ZDHHC13: variants seen among roughly 807,000 people sequenced by gnomAD.
ZDHHC13 encodes the protein zDHHC palmitoyltransferase 13, also known as palmitoyltransferase ZDHHC13.
A neutral mutation model predicts 86.0 loss-of-function variants in ZDHHC13; 85 were observed. The observed-to-expected ratio is 0.99, with a 90% CI of 0.83 to 1.18. ZDHHC13 has a LOEUF of 1.18. Ranked by LOEUF, ZDHHC13 falls within the 50% of genes most tolerant of loss-of-function variation. ZDHHC13 has a pLI of 0.00. For missense variants in ZDHHC13, 711 were observed against 730.2 expected (o/e 0.97, Z 0.30); for synonymous variants, 263 against 246.4 (o/e 1.07, Z -0.63).
At chr11:19,121,350 A>T (rs1848755755) in intron 1 of ZDHHC13, among the ~76,000 whole-genome samples, 1 of 152,172 alleles carries the variant, frequency 6.6e-6, no homozygotes, top group Non-Finnish European at 1.5e-5. Flanking sequence ...CTCTGCTCTG[A>T]AAATGGGGAA....
Position 19,176,111 on chromosome 11 carries a change from A to G in ZDHHC13, c.*151A>G, listed in dbSNP as rs1850358168. 2.8e-6 allele frequency: 2 copies of G among 722,486 alleles called. No homozygotes were observed. The highest frequency in any genetic ancestry group is 4.1e-5 in the South Asian group (1 of 24,290). 44.8% of individuals were successfully genotyped at this position (722,486 alleles called of 1,614,324 possible). On this transcript the variant is annotated 3_prime_UTR_variant, in exon 17 of 17. Coordinates refer to ENST00000446113, the MANE Select transcript of ZDHHC13 (RefSeq NM_019028.3). ...ATTAGGTAAAAAAAGTTCTCAATAAAGGCATTACAATTTTTTAGGTTTAGA... is the reference window on the plus strand; with the variant it reads ...ATTAGGTAAAAAAAGTTCTCAATAAGGGCATTACAATTTTTTAGGTTTAGA...
chr11:19,157,482 T>C (rs564923525), intron 9 of ZDHHC13, among the ~76,000 whole-genome samples: 6 of 152,316 alleles, frequency 3.9e-5, no homozygotes, highest in Admixed American at 2.6e-4. Context: ...AGCAGGACAA[T>C]TGGCTGGAAA....
chr11:19,142,284 C>G (rs909210657), intron 1 of ZDHHC13, among the ~76,000 whole-genome samples: 1 of 152,194 alleles, frequency 6.6e-6, no homozygotes, highest in Non-Finnish European at 1.5e-5. Flanking sequence ...TTATGTGGCT[C>G]TCTCACAGGC....
intron 1 of ZDHHC13, among the ~76,000 whole-genome samples, chr11:19,133,942 T>TATATATACAC: frequency 0.077 from 7,394 of 96,006 alleles, 911 homozygotes; most frequent in East Asian, 0.28. Context: ...TATATATATA[T>TATATATACAC]ACACGTATGT....
Position 19,129,184 on chromosome 11 carries a change from T to C in ZDHHC13, c.27+11908T>C, listed in dbSNP as rs974472250. ...GATTCCTTAGGATTTTCTATGCATATGATCATGTTTTTGCAAGTAAAAATG... is the reference window on the plus strand; with the variant it reads ...GATTCCTTAGGATTTTCTATGCATACGATCATGTTTTTGCAAGTAAAAATG... On this transcript the variant is annotated intron_variant, in intron 1 of 16. Coordinates refer to ENST00000446113, the MANE Select transcript of ZDHHC13 (RefSeq NM_019028.3). Among the ~76,000 whole-genome samples the C allele has an allele frequency of 2.6e-4, 39 of 152,338 alleles. 1 individual carries two copies. Among genetic ancestry groups the C allele is most frequent in the African/African-American group, 8.4e-4 (35 of 41,586 alleles).
chr11:19,124,899 C>A lies in ZDHHC13; in HGVS notation c.27+7623C>A, dbSNP rs141995330. On this transcript the variant is annotated intron_variant, in intron 1 of 16. Transcript: ENST00000446113. ...TTACCTTTTTTCTCTCTGATTTGCC[C>A]CCAGCCTTGACTTGAGCCCTGGAAA... is the stretch of plus-strand genomic sequence containing the variant. Among the ~76,000 whole-genome samples the A allele has an allele frequency of 1.6e-3, 243 of 152,136 alleles. 3 individuals are homozygous for A. Among genetic ancestry groups the A allele is most frequent in the Admixed American group, 3.5e-3 (54 of 15,242 alleles).
chr11:19,125,463 G>C (rs1022931017), intron 1 of ZDHHC13, among the ~76,000 whole-genome samples: 26 of 152,212 alleles, frequency 1.7e-4, no homozygotes, highest in African/African-American at 6.3e-4. Flanking sequence ...AATCCCAAGT[G>C]CTGGTGAGAA....
At chr11:19,143,213 T>G (rs1470299806) in intron 2 of ZDHHC13, 90 bp downstream of exon 2, 4 of 1,346,204 alleles carry the variant, frequency 3.0e-6, no homozygotes, top group Non-Finnish European at 4.0e-6. Flanking sequence ...TATGTTTACC[T>G]CTCTTAACTT....
At chr11:19,145,902 G>C (rs1233309188) in intron 2 of ZDHHC13, among the ~76,000 whole-genome samples, 2 of 152,202 alleles carry the variant, frequency 1.3e-5, no homozygotes, top group African/African-American at 4.8e-5. Context: ...GTGGAGATCA[G>C]ATGAAACTTA....
intron 16 of ZDHHC13, among the ~76,000 whole-genome samples, chr11:19,174,799 C>T (rs995892259): frequency 1.2e-4 from 18 of 152,016 alleles, no homozygotes; most frequent in African/African-American, 4.1e-4. Context: ...GAGCAGTGTG[C>T]GTTCCAGGCC....
intron 1 of ZDHHC13, among the ~76,000 whole-genome samples, chr11:19,140,341 A>G (rs1653819471): frequency 6.6e-6 from 1 of 152,216 alleles, no homozygotes; most frequent in East Asian, 1.9e-4. Context: ...GCCATCAGAG[A>G]AATGCAAATC....
At chr11:19,149,474 C>T (rs3802796) in intron 5 of ZDHHC13, 143 bp downstream of exon 5, 548,849 of 800,722 alleles carry the variant, frequency 0.69, 191,330 homozygotes, top group Admixed American at 0.77. Context: ...TACGTTTAGC[C>T]ATTGAATACT....
At position 19,149,238 on chromosome 11, in the gene ZDHHC13, C is replaced by T. The variant is rs1178075352; in HGVS notation, c.426C>T (p.Pro142=). The T allele has an allele frequency of 8.1e-6, 13 of 1,605,744 alleles. No homozygotes were observed. The highest frequency in any genetic ancestry group is 2.7e-5 in the African/African-American group (2 of 74,844). The part of the protein sequence containing the change: ...VILLLQHGAD[P]TLIDGEGFSS... ...TATTACTCCAGCATGGTGCAGACCC[C>T]ACTCTTATTGATGGAGAGGGATTCA... Residue 142 remains proline (P), a synonymous_variant, in exon 5 of 17, where the codon CCC becomes CCT. Transcript: ENST00000446113.
rs768784588 is a variant in ZDHHC13 at position 19,142,976 on chromosome 11, A to G, written c.28-2A>G. ...CTTTGTCAAATGACTCTTACTCTTC[A>G]GTGCAGGAATCACAGCCATGGCCCC... is the stretch of plus-strand genomic sequence containing the variant. On this transcript the variant is annotated splice_acceptor_variant, in intron 1 of 16. Transcript: ENST00000446113. LOFTEE classifies it high-confidence loss of function. 4 of 1,603,302 alleles carry G rather than the reference A, an allele frequency of 2.5e-6. No individual in the cohort carries two copies. In the Admixed American group the frequency reaches 5.1e-5, roughly 21 times the overall value.
chr11:19,147,015 A>G (rs1849484608), intron 3 of ZDHHC13, among the ~76,000 whole-genome samples: 1 of 152,196 alleles, frequency 6.6e-6, no homozygotes, highest in South Asian at 2.1e-4. Flanking sequence ...TAATGAGACT[A>G]ATTCCTATAA....
At chr11:19,154,599 G>C (rs367813830) in intron 8 of ZDHHC13, among the ~76,000 whole-genome samples, 1 of 152,138 alleles carries the variant, frequency 6.6e-6, no homozygotes, top group African/African-American at 2.4e-5. Flanking sequence ...AATTCAGTCA[G>C]ACCATTGTTT....
chr11:19,154,639 A>G (rs1364491137), intron 8 of ZDHHC13, among the ~76,000 whole-genome samples: 1 of 152,146 alleles, frequency 6.6e-6, no homozygotes, highest in Non-Finnish European at 1.5e-5. Flanking sequence ...TAACTTTGCC[A>G]AAATAAACCT....
intron 16 of ZDHHC13, among the ~76,000 whole-genome samples, chr11:19,174,793 A>G (rs1029096109): frequency 1.3e-5 from 2 of 152,108 alleles, no homozygotes; most frequent in Non-Finnish European, 2.9e-5. Context: ...AGTGTAGAGC[A>G]GTGTGCGTTC....
intron 1 of ZDHHC13, among the ~76,000 whole-genome samples, chr11:19,137,112 A>T (rs988677799): frequency 6.6e-6 from 1 of 152,216 alleles, no homozygotes; most frequent in African/African-American, 2.4e-5. Flanking sequence ...ATTAAAAGGC[A>T]CAGACTGGCA....
Sources: allele counts gnomAD v4.1 joint callset (sites outside exome capture counted in the v4.1 genomes callset), GRCh38; gene constraint gnomAD v4.1.1; transcripts MANE v1.5; gene names NCBI Gene and HGNC (gene_info 2026-07-23, HGNC 2026-07-21).